The following RNF150 variants were observed in gnomAD, a reference collection of about 807,000 sequenced individuals.
The protein encoded by RNF150 is ring finger protein 150.
Under a neutral mutation model 39.3 loss-of-function variants are expected in RNF150, and 24 were observed. That is an observed-to-expected ratio of 0.61 (90% CI 0.44 to 0.86). The LOEUF (loss-of-function observed/expected upper bound fraction) is 0.86. Among genes scored for constraint, RNF150 ranks in the 40% least tolerant of loss-of-function variants. The pLI is 0.00. For missense variants in RNF150, 502 were observed against 587.8 expected (o/e 0.85, Z 1.51); for synonymous variants, 255 against 227.3 (o/e 1.12, Z -1.10).
chr4:140,900,765 G>A (rs1578945468), intron 6 of RNF150, among the ~76,000 whole-genome samples: 1 of 152,108 alleles, frequency 6.6e-6, no homozygotes, highest in African/African-American at 2.4e-5. Context: ...TGTGTGGGGT[G>A]GGGAGAGAAG....
At chr4:141,089,541 T>C (rs13434447) in intron 1 of RNF150, among the ~76,000 whole-genome samples, 55,132 of 151,984 alleles carry the variant, frequency 0.36, 10,658 homozygotes, top group East Asian at 0.76. Context: ...CCTGGGGACT[T>C]ACAAGTAGAA....
At chr4:141,105,770 C>T (rs565897397) in intron 1 of RNF150, among the ~76,000 whole-genome samples, 1 of 152,292 alleles carries the variant, frequency 6.6e-6, no homozygotes, top group East Asian at 1.9e-4. Context: ...CATATTTAAA[C>T]ATCAGTTTCT....
intron 1 of RNF150, among the ~76,000 whole-genome samples, chr4:140,977,076 C>T (rs912184539): frequency 6.6e-6 from 1 of 151,950 alleles, no homozygotes; most frequent in Non-Finnish European, 1.5e-5. Context: ...AGGCAAATAT[C>T]CTGTCCTATT....
chr4:141,186,847 A>G (rs55780803), intron 1 of RNF150, among the ~76,000 whole-genome samples: 1,643 of 151,768 alleles, frequency 0.011, 17 homozygotes, highest in Admixed American at 0.026. Context: ...TCATGTCTCT[A>G]TCTCCTTCAG....
At chr4:140,935,058 A>AT (rs1353517388) in intron 4 of RNF150, among the ~76,000 whole-genome samples, 3 of 42,002 alleles carry the variant, frequency 7.1e-5, no homozygotes, top group South Asian at 1.8e-3. Context: ...TATATATATT[A>AT]TATATATATA....
intron 1 of RNF150, among the ~76,000 whole-genome samples, chr4:141,023,737 A>G (rs1735588045): frequency 6.6e-6 from 1 of 152,186 alleles, no homozygotes; most frequent in South Asian, 2.1e-4. Context: ...AGATACAGCT[A>G]GTGGCTACCA....
intron 1 of RNF150, among the ~76,000 whole-genome samples, chr4:141,193,312 T>C (rs1284633758): frequency 6.6e-6 from 1 of 152,242 alleles, no homozygotes; most frequent in Non-Finnish European, 1.5e-5. Flanking sequence ...TGATTTGCTT[T>C]CTTCCCTGCA....
intron 1 of RNF150, among the ~76,000 whole-genome samples, chr4:141,050,008 T>G (rs961856971): frequency 1.3e-5 from 2 of 152,008 alleles, no homozygotes; most frequent in Non-Finnish European, 1.5e-5. Context: ...AATTTATAGA[T>G]AAGATTGAAT....
At chr4:141,190,530 C>G (rs1299182245) in intron 1 of RNF150, among the ~76,000 whole-genome samples, 1 of 152,192 alleles carries the variant, frequency 6.6e-6, no homozygotes, top group Non-Finnish European at 1.5e-5. Flanking sequence ...AATTCACCAA[C>G]AACTTGAATG....
At chr4:141,037,286 A>T (rs1736182415) in intron 1 of RNF150, among the ~76,000 whole-genome samples, 1 of 152,186 alleles carries the variant, frequency 6.6e-6, no homozygotes, top group Non-Finnish European at 1.5e-5. Context: ...TCAAATAGCC[A>T]GTGTAAATTA....
At chr4:141,092,356 G>A (rs909678760) in intron 1 of RNF150, among the ~76,000 whole-genome samples, 2 of 151,198 alleles carry the variant, frequency 1.3e-5, no homozygotes, top group Admixed American at 6.6e-5. Flanking sequence ...AAAAAAAAAG[G>A]AAAAAACTCT....
intron 6 of RNF150, among the ~76,000 whole-genome samples, chr4:140,906,823 A>G (rs914699636): frequency 2.6e-5 from 4 of 152,088 alleles, no homozygotes; most frequent in Admixed American, 2.0e-4. Flanking sequence ...GGTTCCCTCT[A>G]GTCTGAGATG....
chr4:140,968,295 C>T (rs945079547), intron 1 of RNF150, among the ~76,000 whole-genome samples: 2 of 151,862 alleles, frequency 1.3e-5, no homozygotes, highest in Admixed American at 6.6e-5. Flanking sequence ...GGTAAAATGT[C>T]CTGTCTTATG....
At chr4:141,008,986 T>C (rs897773369) in intron 1 of RNF150, among the ~76,000 whole-genome samples, 4 of 152,196 alleles carry the variant, frequency 2.6e-5, no homozygotes, top group African/African-American at 4.8e-5. Flanking sequence ...GATTTTATTA[T>C]GTCAACATTT....
At chr4:141,135,501 G>A (rs1264527051), upstream of RNF150, among the ~76,000 whole-genome samples, 9 of 152,202 alleles carry the variant, frequency 5.9e-5, no homozygotes, top group Admixed American at 2.6e-4. Context: ...GGGACAGTCT[G>A]AACATAAAAT....
chr4:141,055,645 GCA>G (rs1736939306), intron 1 of RNF150, among the ~76,000 whole-genome samples: 1 of 152,232 alleles, frequency 6.6e-6, no homozygotes, highest in Middle Eastern at 3.4e-3. Context: ...TCAGAATGCA[GCA>G]CAGAGACCTG....
intron 6 of RNF150, among the ~76,000 whole-genome samples, chr4:140,875,341 T>C (rs940305516): frequency 2.0e-5 from 3 of 152,076 alleles, no homozygotes; most frequent in Non-Finnish European, 4.4e-5. Flanking sequence ...ATCTGGCTAA[T>C]TAAAATATTT....
chr4:140,897,745 T>C (rs1490259069), intron 6 of RNF150, among the ~76,000 whole-genome samples: 1 of 152,176 alleles, frequency 6.6e-6, no homozygotes, highest in Non-Finnish European at 1.5e-5. Flanking sequence ...TTCTATACAG[T>C]AACATTTTTT....
rs1734602699 is a variant in RNF150 at position 141,000,087 on chromosome 4, G to GGA, written c.485-32215_485-32214insTC. Among the ~76,000 whole-genome samples, 2 of 35,902 alleles carry GGA rather than the reference G, an allele frequency of 5.6e-5. 1 individual carries two copies. Among genetic ancestry groups the GGA allele is most frequent in the Non-Finnish European group, 1.1e-4 (2 of 18,740 alleles). The allele number at this position is 35,902 out of a possible 152,430, so 23.6% of individuals were successfully genotyped here. ...GAAGAAGAAGAAGAAGAAGAAGAAG[G>GGA]AGAAGAAGAAGAAGAAGAAGAGGAG... On this transcript the variant is annotated intron_variant, in intron 1 of 6. Transcript: ENST00000515673.
Sources: gnomAD v4.1 joint callset for allele counts (sites outside exome capture counted in the v4.1 genomes callset) on GRCh38, gnomAD v4.1.1 for gene constraint, MANE v1.5 for transcripts, NCBI Gene and HGNC (gene_info 2026-07-23, HGNC 2026-07-21) for gene names.